Variants in CSMD1 observed in about 807,000 individuals in gnomAD.
The protein encoded by CSMD1 is CUB and Sushi multiple domains 1.
Under a neutral mutation model 417.5 loss-of-function variants are expected in CSMD1, and 213 were observed. The ratio of observed to expected loss-of-function variants is 0.51; its 90% CI spans 0.46 to 0.57. The LOEUF (loss-of-function observed/expected upper bound fraction) is 0.57. Ranked by LOEUF, CSMD1 falls within the 20% of genes least tolerant of loss-of-function variation. CSMD1 has a pLI of 0.00. For synonymous variants in CSMD1, 2,862 were observed against 1,736.8 expected (o/e 1.65, Z -16.11); for missense variants, 6,923 against 4,529.7 (o/e 1.53, Z -15.17).
chr8:4,115,339 C>T (rs1357732331), intron 3 of CSMD1, among the ~76,000 whole-genome samples: 2 of 152,138 alleles, frequency 1.3e-5, no homozygotes, highest in Non-Finnish European at 2.9e-5. Flanking sequence ...ACATTTTAGA[C>T]ATAATACTGT....
chr8:4,975,059 G>A (rs1158828728), intron 1 of CSMD1, among the ~76,000 whole-genome samples: 3 of 152,090 alleles, frequency 2.0e-5, no homozygotes, highest in Non-Finnish European at 4.4e-5. Context: ...GGGGAAAGAG[G>A]CTTCTCCCCA....
At chr8:4,064,768 C>G (rs567241507) in intron 3 of CSMD1, among the ~76,000 whole-genome samples, 1 of 152,138 alleles carries the variant, frequency 6.6e-6, no homozygotes, top group Non-Finnish European at 1.5e-5. Flanking sequence ...TGGAAACAAT[C>G]CAGTCCATTT....
At chr8:3,242,748 C>G (rs1373813507) in intron 26 of CSMD1, among the ~76,000 whole-genome samples, 1 of 151,016 alleles carries the variant, frequency 6.6e-6, no homozygotes, top group African/African-American at 2.4e-5. Context: ...AGAGTAGAGA[C>G]ATGGAGGGAA....
chr8:3,782,973 T>G (rs1015044761), intron 5 of CSMD1, among the ~76,000 whole-genome samples: 6 of 152,166 alleles, frequency 3.9e-5, no homozygotes, highest in African/African-American at 1.4e-4. Flanking sequence ...AGGTACAGGA[T>G]TGTTAGCTAT....
chr8:4,869,226 A>C (rs1802590349), intron 1 of CSMD1, among the ~76,000 whole-genome samples: 1 of 152,034 alleles, frequency 6.6e-6, no homozygotes, highest in African/African-American at 2.4e-5. Context: ...TTTCCCATAG[A>C]AAAGCATCTG....
chr8:3,434,135 A>T (rs1814400590), intron 12 of CSMD1, among the ~76,000 whole-genome samples: 1 of 152,212 alleles, frequency 6.6e-6, no homozygotes, highest in East Asian at 1.9e-4. Flanking sequence ...AATACCTTTG[A>T]GGTTCTCTGG....
intron 10 of CSMD1, among the ~76,000 whole-genome samples, chr8:3,510,523 G>C (rs1038489175): frequency 6.6e-6 from 1 of 151,744 alleles, no homozygotes; most frequent in Non-Finnish European, 1.5e-5. Context: ...ATCTTAGAAG[G>C]TCTTTAAAGA....
chr8:3,200,770 C>G (rs369676157), intron 32 of CSMD1, among the ~76,000 whole-genome samples: 2 of 151,782 alleles, frequency 1.3e-5, no homozygotes, highest in Admixed American at 6.6e-5. Flanking sequence ...TAGAAAATAA[C>G]AAAACATAGG....
chr8:4,486,130 TATATATA>T (rs1801370967), intron 2 of CSMD1, among the ~76,000 whole-genome samples: 1 of 32,118 alleles, frequency 3.1e-5, no homozygotes, highest in Non-Finnish European at 6.2e-5. Flanking sequence ...TACATATATA[TATATATA>T]CATACATATA....
chr8:4,698,706 T>C (rs1807300564), intron 1 of CSMD1, among the ~76,000 whole-genome samples: 2 of 150,154 alleles, frequency 1.3e-5, no homozygotes, highest in East Asian at 2.0e-4. Flanking sequence ...CGGGGGAGCA[T>C]TTTCCTTCCA....
At chr8:3,245,625 A>C (rs4875412) in intron 26 of CSMD1, among the ~76,000 whole-genome samples, 126,641 of 152,120 alleles carry the variant, frequency 0.83, 53,897 homozygotes, top group Non-Finnish European at 0.93. Context: ...AGGAGCCTAA[A>C]TCTTCCGCAG....
intron 25 of CSMD1, among the ~76,000 whole-genome samples, chr8:3,294,072 G>A (rs1405944329): frequency 2.0e-5 from 3 of 152,214 alleles, no homozygotes; most frequent in Non-Finnish European, 4.4e-5. Flanking sequence ...CACATCTGTT[G>A]GAGTTTGCTG....
intron 1 of CSMD1, among the ~76,000 whole-genome samples, chr8:4,738,189 A>T (rs1810365649): frequency 6.6e-6 from 1 of 152,218 alleles, no homozygotes; most frequent in Non-Finnish European, 1.5e-5. Context: ...TAGACTTTCA[A>T]ATAGTCCGTT....
At chr8:4,755,679 A>C (rs1352073195) in intron 1 of CSMD1, among the ~76,000 whole-genome samples, 1 of 152,182 alleles carries the variant, frequency 6.6e-6, no homozygotes, top group African/African-American at 2.4e-5. Context: ...AGTTTTCAAT[A>C]ATTCGCAGTT....
chr8:4,250,624 C>G (rs1354654089), intron 3 of CSMD1, among the ~76,000 whole-genome samples: 1 of 152,180 alleles, frequency 6.6e-6, no homozygotes, highest in Non-Finnish European at 1.5e-5. Context: ...AATAGTACAG[C>G]AGTTCCTTCC....
At chr8:4,294,894 T>C (rs1365421271) in intron 3 of CSMD1, among the ~76,000 whole-genome samples, 1 of 151,804 alleles carries the variant, frequency 6.6e-6, no homozygotes, top group Non-Finnish European at 1.5e-5. Context: ...TGTCAATGTG[T>C]ATGGAACGAA....
intron 7 of CSMD1, among the ~76,000 whole-genome samples, chr8:3,645,485 G>T (rs1026885760): frequency 2.6e-5 from 4 of 152,194 alleles, no homozygotes; most frequent in Admixed American, 2.6e-4. Flanking sequence ...AAATGGGACA[G>T]TGGAAGAAAT....
intron 5 of CSMD1, among the ~76,000 whole-genome samples, chr8:3,873,288 G>C (rs1396252712): frequency 6.6e-6 from 1 of 151,918 alleles, no homozygotes; most frequent in African/African-American, 2.4e-5. Context: ...CAATAGCAAA[G>C]ACATGGAATC....
intron 5 of CSMD1, among the ~76,000 whole-genome samples, chr8:3,790,303 G>C (rs773589158): frequency 1.3e-5 from 2 of 152,290 alleles, no homozygotes; most frequent in East Asian, 1.9e-4. Flanking sequence ...GTCATGTGTA[G>C]CTACTGGCTG....
Sources: allele counts gnomAD v4.1 joint callset (sites outside exome capture counted in the v4.1 genomes callset), GRCh38; gene constraint gnomAD v4.1.1; transcripts MANE v1.5; gene names NCBI Gene and HGNC (gene_info 2026-07-23, HGNC 2026-07-21).